The following NASP variants were observed in gnomAD, a reference collection of about 807,000 sequenced individuals.
The protein encoded by NASP is NASP histone chaperone.
Under a neutral mutation model 89.5 loss-of-function variants are expected in NASP, and 24 were observed. The observed-to-expected ratio is 0.27, with a 90% CI of 0.19 to 0.38. NASP has a LOEUF of 0.38. Among genes scored for constraint, NASP ranks in the 10% least tolerant of loss-of-function variants. The pLI is 1.00. For synonymous variants in NASP, 306 were observed against 324.7 expected, an observed-to-expected ratio of 0.94 and a Z score of 0.62; for missense variants, 848 against 921.4, an observed-to-expected ratio of 0.92 and a Z score of 1.03.
rs1377382572 is a variant in NASP, at chr1:45,615,012, G to C, written c.1667-1G>C. 1 of 1,605,460 alleles carries C rather than the reference G, an allele frequency of 6.2e-7. No homozygotes were observed. The highest frequency in any genetic ancestry group is 1.3e-5 in the African/African-American group (1 of 74,508). ...CTTGCTCTTCTTTTTCTCTTTGTTA[G>C]AAAACTATGTGCAAGCTGTGGAGGA... is the stretch of plus-strand genomic sequence containing the variant. On this transcript the variant is annotated splice_acceptor_variant, in intron 9 of 14. Coordinates refer to ENST00000350030, the MANE Select transcript of NASP (RefSeq NM_002482.4). LOFTEE classifies it high-confidence loss of function.
intron 5 of NASP, 59 bp downstream of exon 5, chr1:45,606,650 G>A: frequency 1.6e-6 from 2 of 1,227,150 alleles, no homozygotes; most frequent in African/African-American, 1.5e-5. Flanking sequence ...CTTGTATACA[G>A]TGGTGGAAAC....
chr1:45,617,957 G>A, intron 14 of NASP, 104 bp from the exon 15 acceptor site: 1 of 1,005,540 alleles, frequency 9.9e-7, no homozygotes, highest in Middle Eastern at 2.1e-4. Flanking sequence ...GCAAAGCAGA[G>A]TTTGGGTGAC....
rs549314071 is a variant in NASP, at chr1:45,617,453, A to C, written c.2158-10A>C. 2 of 1,610,104 alleles carry C rather than the reference A, an allele frequency of 1.2e-6. No homozygotes were observed. The highest frequency in any genetic ancestry group is 2.2e-5 in the East Asian group (1 of 44,766). On this transcript the variant is annotated splice_polypyrimidine_tract_variant and intron_variant, in intron 13 of 14. Transcript: ENST00000350030. ...GCACATTTGTGAAGCCTTCACAATTATATCTTTAGAGGAAACCAGAGGAAG... is the reference window on the plus strand; with the variant it reads ...GCACATTTGTGAAGCCTTCACAATTCTATCTTTAGAGGAAACCAGAGGAAG...
intron 14 of NASP, 144 bp downstream of exon 14, chr1:45,617,735 C>T: frequency 3.8e-6 from 4 of 1,039,932 alleles, no homozygotes; most frequent in Non-Finnish European, 4.1e-6. Context: ...GGTACTTGTG[C>T]AGGAAAACAG....
intron 5 of NASP, 79 bp from the exon 6 acceptor site, chr1:45,607,240 GAA>G (rs1643921751): frequency 7.1e-7 from 1 of 1,410,010 alleles, no homozygotes; most frequent in Non-Finnish European, 9.8e-7. Flanking sequence ...GGTTTAAAGG[GAA>G]TGTATTTTTA....
At chr1:45,603,053 T>A (rs1235764728) in intron 3 of NASP, among the ~76,000 whole-genome samples, 1 of 152,200 alleles carries the variant, frequency 6.6e-6, no homozygotes, top group Non-Finnish European at 1.5e-5. Context: ...TAGCACATTT[T>A]TCATACATTC....
rs1302145841 is a variant in NASP at position 45,584,174 on chromosome 1, G to A, written c.28G>A (p.Ala10Thr). Reference sequence around the variant, plus strand: ...GGCCATGGAGTCCACAGCCACTGCCGCCGTCGCCGCGGAGCTGGTTTCTGC... The same window carrying A: ...GGCCATGGAGTCCACAGCCACTGCCACCGTCGCCGCGGAGCTGGTTTCTGC... MAMESTATAAVAAELVSADK... is the reference protein window; with the variant it reads MAMESTATATVAAELVSADK... Residue 10 changes from alanine to threonine, a missense_variant, in exon 1 of 15, where the codon GCC (alanine) becomes ACC (threonine). By Grantham distance (58) the Ala-to-Thr change is moderately conservative. Coordinates refer to ENST00000350030, the MANE Select transcript of NASP (RefSeq NM_002482.4). The A allele has an allele frequency of 1.7e-5, 27 of 1,596,912 alleles. No homozygotes were observed. The highest frequency in any genetic ancestry group is 2.2e-5 in the Non-Finnish European group (26 of 1,171,932).
intron 1 of NASP, among the ~76,000 whole-genome samples, chr1:45,586,293 GT>G (rs1449992403): frequency 3.0e-4 from 29 of 97,530 alleles, no homozygotes; most frequent in African/African-American, 1.2e-3. Context: ...TGGTGTGTGT[GT>G]GTGTGTGTGT....
intron 2 of NASP, among the ~76,000 whole-genome samples, chr1:45,597,532 TAA>T (rs774608836): frequency 6.6e-6 from 1 of 152,188 alleles, no homozygotes; most frequent in Non-Finnish European, 1.5e-5. Flanking sequence ...TGTAAAAATG[TAA>T]AACAGTGCCA....
Position 45,607,781 on chromosome 1 carries a change from C to T in NASP, c.870C>T (p.Gly290=), listed in dbSNP as rs369112826. 2.1e-4 allele frequency: 341 copies of T among 1,613,992 alleles called. No homozygotes were observed. Among genetic ancestry groups the T allele is most frequent in the Non-Finnish European group, 2.7e-4 (318 of 1,180,032 alleles). ...CTGTGGTGACTCTAGAAAAGCAGGGCACTGCAGTGGAGGTAGAAGCAGAGT... is the reference window on the plus strand; with the variant it reads ...CTGTGGTGACTCTAGAAAAGCAGGGTACTGCAGTGGAGGTAGAAGCAGAGT... ...EQPVVTLEKQ[G]TAVEVEAESL... The change falls in exon 6 of 15, where the codon GGC becomes GGT. Residue 290 remains glycine (G), a synonymous_variant. Transcript: ENST00000350030.
chr1:45,598,197 G>T (rs1403454671), intron 2 of NASP, among the ~76,000 whole-genome samples: 2 of 142,160 alleles, frequency 1.4e-5, no homozygotes, highest in Non-Finnish European at 3.0e-5. Flanking sequence ...TTGAGATGGA[G>T]TCTTGCTCTG....
At position 45,616,392 on chromosome 1, in the gene NASP, T is replaced by C. The variant is rs1165422146; in HGVS notation, c.2078T>C (p.Met693Thr). 6.2e-7 allele frequency: 1 copy of C among 1,613,844 alleles called. No individual in the cohort carries two copies. The highest frequency in any genetic ancestry group is 1.7e-5 in the Admixed American group (1 of 60,006). ...GGTGGAGGAGGCTCTTCAGTCTCCA[T>C]GGTGCGTATTCAGGTGGTTTTTTGG... is the stretch of plus-strand genomic sequence containing the variant. ...TPGGGGSSVS[M>T]IASRKPTDGA... is the part of the protein sequence containing the mutation. The change falls in exon 12 of 15, where the codon ATG becomes ACG. Residue 693 changes from methionine (M) to threonine (T), a missense_variant and splice_region_variant. Transcript: ENST00000350030.
At chr1:45,602,029 G>C (rs1643860530) in intron 2 of NASP, among the ~76,000 whole-genome samples, 1 of 152,154 alleles carries the variant, frequency 6.6e-6, no homozygotes, top group Admixed American at 6.5e-5. Flanking sequence ...TGGGATTACA[G>C]GCATGAGTCA....
chr1:45,617,655 A>G, intron 14 of NASP, 64 bp downstream of exon 14: 1 of 1,499,702 alleles, frequency 6.7e-7, no homozygotes, highest in African/African-American at 1.4e-5. Context: ...TGGGGAAATC[A>G]GTCCTCTCAA....
intron 2 of NASP, among the ~76,000 whole-genome samples, chr1:45,601,146 A>G (rs1643833851): frequency 6.6e-6 from 1 of 152,158 alleles, no homozygotes; most frequent in Non-Finnish European, 1.5e-5. Context: ...TGTCTTTCAA[A>G]ACCAAGTTTT....
chr1:45,587,687 T>TATATATATATAAAA lies in NASP; in HGVS notation c.59+3483_59+3484insTATATATATAAAAA, dbSNP rs66829841. The stretch of plus-strand genomic sequence containing the variant: ...ATATATATATATATATATATATATA[T>TATATATATATAAAA]AATTAATTTTTTGGAGAGAGAGTCT... On this transcript the variant is annotated intron_variant, in intron 1 of 14. Transcript: ENST00000350030. Among the ~76,000 whole-genome samples, 11 of 78,198 alleles carry TATATATATATAAAA rather than the reference T, an allele frequency of 1.4e-4. 1 individual carries two copies. The highest frequency in any genetic ancestry group is 5.5e-4 in the East Asian group (1 of 1,808). 51.3% of individuals were successfully genotyped at this position (78,198 alleles called of 152,430 possible). A position where few individuals can be genotyped will look rare whatever the true frequency, so the allele number is the denominator to read the frequency against.
intron 1 of NASP, among the ~76,000 whole-genome samples, chr1:45,585,329 G>T (rs1644517342): frequency 1.3e-5 from 2 of 152,098 alleles, no homozygotes; most frequent in Non-Finnish European, 2.9e-5. Flanking sequence ...TTGCTGTGAA[G>T]TTTTTTAAAT....
chr1:45,599,568 C>T lies in NASP; in HGVS notation c.108-2687C>T, dbSNP rs76047389. Among the ~76,000 whole-genome samples the T allele has an allele frequency of 5.5e-4, 84 of 152,270 alleles. No homozygotes were observed. The East Asian group carries it at 0.013, about 24-fold the overall frequency. On this transcript the variant is annotated intron_variant, in intron 2 of 14. Coordinates refer to ENST00000350030, the MANE Select transcript of NASP (RefSeq NM_002482.4). ...TCAGTCTCCCGAGTAGCTGGGACTACAGGCACACACCACCACGCCCGGCTA... is the reference window on the plus strand; with the variant it reads ...TCAGTCTCCCGAGTAGCTGGGACTATAGGCACACACCACCACGCCCGGCTA...
At chr1:45,593,890 G>A (rs981176161) in intron 2 of NASP, among the ~76,000 whole-genome samples, 16 of 151,308 alleles carry the variant, frequency 1.1e-4, no homozygotes, top group Middle Eastern at 3.2e-3. Context: ...TTAACTGTTC[G>A]TTGTGGCACT....
Sources: allele counts gnomAD v4.1 joint callset (sites outside exome capture counted in the v4.1 genomes callset), GRCh38; gene constraint gnomAD v4.1.1; transcripts MANE v1.5; gene names NCBI Gene and HGNC (gene_info 2026-07-23, HGNC 2026-07-21).